COL19A1: variants seen among roughly 807,000 people sequenced by gnomAD.
The protein encoded by COL19A1 is collagen type XIX alpha 1 chain.
Under a neutral mutation model 190.2 loss-of-function variants are expected in COL19A1, and 159 were observed. The observed-to-expected ratio is 0.84, with a 90% CI of 0.73 to 0.95. The LOEUF is 0.95. COL19A1 is among the 40% of genes least tolerant of loss of function. The pLI is 0.00. For missense variants in COL19A1, 1,418 were observed against 1,431.9 expected (o/e 0.99, Z 0.16); for synonymous variants, 509 against 458.9 (o/e 1.11, Z -1.39).
intron 34 of COL19A1, among the ~76,000 whole-genome samples, chr6:70,159,823 A>AATTGTATG (rs1318626052): frequency 3.9e-5 from 6 of 152,178 alleles, no homozygotes; most frequent in Non-Finnish European, 8.8e-5. Flanking sequence ...GATGACAAAG[A>AATTGTATG]ATGGTATGGC....
chr6:69,902,681 G>C (rs771266176), intron 4 of COL19A1, among the ~76,000 whole-genome samples: 3 of 152,170 alleles, frequency 2.0e-5, no homozygotes, highest in Non-Finnish European at 4.4e-5. Flanking sequence ...TAAAGTTATA[G>C]GGAAGCTTAT....
intron 14 of COL19A1, among the ~76,000 whole-genome samples, chr6:70,062,916 A>T (rs892757938): frequency 6.6e-6 from 1 of 152,138 alleles, no homozygotes; most frequent in Non-Finnish European, 1.5e-5. Flanking sequence ...GGATCAATTC[A>T]ACAAGAAGAG....
Position 70,140,954 on chromosome 6 carries a change from G to A in COL19A1, c.1447G>A (p.Gly483Arg), listed in dbSNP as rs201265017. 1.3e-5 allele frequency: 21 copies of A among 1,610,262 alleles called. No individual in the cohort carries two copies. The African/African-American group carries it at 1.9e-4, about 14-fold the overall frequency. The change falls in exon 20 of 51, where the codon GGA becomes AGA. Residue 483 changes from glycine (G) to arginine (R), a missense_variant and splice_region_variant. Coordinates refer to ENST00000620364, the MANE Select transcript of COL19A1 (RefSeq NM_001858.6). The stretch of plus-strand genomic sequence containing the variant: ...TCTATTTTCTACCCCTTCTCCTTAG[G>A]GAGAGCCTTTTACAAAAGGAGAAAA... The part of the protein sequence containing the change: ...VGPKGQKGEP[G>R]EPFTKGEKGD...
At chr6:70,018,655 G>T (rs967642688) in intron 11 of COL19A1, among the ~76,000 whole-genome samples, 2 of 152,090 alleles carry the variant, frequency 1.3e-5, no homozygotes, top group Admixed American at 1.3e-4. Context: ...ATTTGAGAGG[G>T]AGCTCAGGAT....
At chr6:69,952,968 T>C (rs1233080342) in intron 9 of COL19A1, among the ~76,000 whole-genome samples, 2 of 152,060 alleles carry the variant, frequency 1.3e-5, no homozygotes, top group African/African-American at 2.4e-5. Flanking sequence ...GCAAGTAGTA[T>C]AAAAGCTAGA....
At chr6:70,045,968 G>C (rs1166214678) in intron 14 of COL19A1, among the ~76,000 whole-genome samples, 1 of 152,086 alleles carries the variant, frequency 6.6e-6, no homozygotes, top group Non-Finnish European at 1.5e-5. Context: ...GTGTCTTCAG[G>C]TAGTTGTTCT....
chr6:69,948,452 T>C (rs945213254), intron 9 of COL19A1, among the ~76,000 whole-genome samples: 1 of 151,824 alleles, frequency 6.6e-6, no homozygotes, highest in Non-Finnish European at 1.5e-5. Context: ...CTGCTACTTA[T>C]TGGTTGTGGA....
chr6:70,166,109 T>C (rs539956286), intron 37 of COL19A1, 124 bp downstream of exon 37: 5 of 864,782 alleles, frequency 5.8e-6, no homozygotes, highest in Non-Finnish European at 9.7e-6. Context: ...TGTATAAATA[T>C]AAATGATAGC....
chr6:69,946,342 G>T (rs900162015), intron 9 of COL19A1, among the ~76,000 whole-genome samples: 1 of 151,840 alleles, frequency 6.6e-6, no homozygotes. Flanking sequence ...AATTTTTATT[G>T]TTGTGGTATG....
At chr6:70,141,486 C>A (rs537815210) in intron 20 of COL19A1, among the ~76,000 whole-genome samples, 1 of 152,018 alleles carries the variant, frequency 6.6e-6, no homozygotes, top group East Asian at 1.9e-4. Context: ...AACCATTAAG[C>A]ACATATAACT....
At chr6:70,157,707 A>G (rs2150254424) in intron 34 of COL19A1, among the ~76,000 whole-genome samples, 1 of 152,274 alleles carries the variant, frequency 6.6e-6, no homozygotes, top group East Asian at 1.9e-4. Flanking sequence ...TATCTTCAAA[A>G]TAAGTTATTG....
intron 40 of COL19A1, among the ~76,000 whole-genome samples, chr6:70,170,658 G>C (rs1314895719): frequency 2.6e-5 from 4 of 151,970 alleles, no homozygotes; most frequent in Non-Finnish European, 5.9e-5. Context: ...CAGCAACCTA[G>C]GGCCTCTTAT....
chr6:70,078,243 C>T (rs1297624700), intron 15 of COL19A1, among the ~76,000 whole-genome samples: 1 of 152,170 alleles, frequency 6.6e-6, no homozygotes, highest in African/African-American at 2.4e-5. Flanking sequence ...TATTTATTTA[C>T]TCAAGAAACA....
chr6:70,095,687 T>A (rs1227350399), intron 15 of COL19A1, among the ~76,000 whole-genome samples: 2 of 152,322 alleles, frequency 1.3e-5, no homozygotes, highest in East Asian at 3.9e-4. Flanking sequence ...ACTCCTTTTT[T>A]TTCCTCTTCC....
intron 48 of COL19A1, among the ~76,000 whole-genome samples, chr6:70,193,464 G>C (rs1767003938): frequency 6.6e-6 from 1 of 152,110 alleles, no homozygotes; most frequent in Non-Finnish European, 1.5e-5. Context: ...GAAGCTGACA[G>C]GTGCAGAGTC....
intron 4 of COL19A1, among the ~76,000 whole-genome samples, chr6:69,902,318 T>C (rs1770242922): frequency 6.6e-6 from 1 of 152,140 alleles, no homozygotes; most frequent in Non-Finnish European, 1.5e-5. Context: ...ATATGGAAAA[T>C]GGGGATGCTT....
At chr6:69,954,152 C>T (rs192826233) in intron 9 of COL19A1, among the ~76,000 whole-genome samples, 1 of 152,096 alleles carries the variant, frequency 6.6e-6, no homozygotes, top group Admixed American at 6.6e-5. Flanking sequence ...GATTATTAAA[C>T]TCAAAACACA....
At chr6:69,994,821 A>G (rs1273917839) in intron 11 of COL19A1, among the ~76,000 whole-genome samples, 2 of 152,044 alleles carry the variant, frequency 1.3e-5, no homozygotes, top group Non-Finnish European at 2.9e-5. Flanking sequence ...GTGTGCCTCT[A>G]TCCATTTGCA....
At chr6:69,907,583 T>A (rs2149982543) in intron 4 of COL19A1, among the ~76,000 whole-genome samples, 1 of 152,382 alleles carries the variant, frequency 6.6e-6, no homozygotes, top group East Asian at 1.9e-4. Context: ...CAATCATTGT[T>A]TTCTCCATGT....
Sources: gnomAD v4.1 joint callset for allele counts (sites outside exome capture counted in the v4.1 genomes callset) on GRCh38, gnomAD v4.1.1 for gene constraint, MANE v1.5 for transcripts, NCBI Gene and HGNC (gene_info 2026-07-23, HGNC 2026-07-21) for gene names.